The following LPP variants were observed in gnomAD, a reference collection of about 807,000 sequenced individuals.
LPP encodes the protein LIM domain containing preferred translocation partner in lipoma, also known as lipoma-preferred partner.
LPP carries 38 observed loss-of-function variants against 60.4 expected under a neutral mutation model. The observed-to-expected ratio is 0.63, with a 90% confidence interval of 0.49 to 0.83. The LOEUF (loss-of-function observed/expected upper bound fraction) is 0.83, where lower values mean the gene tolerates loss of function less well. LPP is among the 40% of genes least tolerant of loss of function. The probability of loss-of-function intolerance (pLI) is 0.00; values close to 1 mark genes in which losing one functional copy is unlikely to be tolerated. For missense variants in LPP, 902 were observed against 783.6 expected (o/e 1.15, Z -1.80); for synonymous variants, 328 against 290.8 (o/e 1.13, Z -1.30).
chr3:188,562,848 G>A (rs569090080), intron 6 of LPP, among the ~76,000 whole-genome samples: 58 of 152,116 alleles, frequency 3.8e-4, no homozygotes, highest in African/African-American at 1.3e-3. Context: ...ATAAAACAAT[G>A]TTGTTCAAAG....
At chr3:188,319,163 C>T (rs1049713522) in intron 2 of LPP, among the ~76,000 whole-genome samples, 2 of 152,112 alleles carry the variant, frequency 1.3e-5, no homozygotes, top group African/African-American at 4.8e-5. Context: ...CTCCACAGAC[C>T]CCTGTGAATG....
At chr3:188,194,778 T>G (rs1490287915) in intron 1 of LPP, among the ~76,000 whole-genome samples, 1 of 152,208 alleles carries the variant, frequency 6.6e-6, no homozygotes, top group African/African-American at 2.4e-5. Context: ...TACCTTACTT[T>G]TGTTAGTGTT....
intron 2 of LPP, among the ~76,000 whole-genome samples, chr3:188,297,853 T>A (rs1051218084): frequency 1.4e-4 from 22 of 152,322 alleles, no homozygotes; most frequent in African/African-American, 4.8e-4. Context: ...AGGTACTTAG[T>A]TGAGCTCACT....
intron 4 of LPP, 78 bp downstream of exon 4, chr3:188,406,391 T>G (rs1783496633): frequency 7.4e-7 from 1 of 1,342,480 alleles, no homozygotes; most frequent in Non-Finnish European, 1.0e-6. Context: ...TACAAAGTTG[T>G]GTCAGAAAAA....
chr3:188,596,053 A>G (rs1160901332), intron 6 of LPP, among the ~76,000 whole-genome samples: 1 of 152,096 alleles, frequency 6.6e-6, no homozygotes, highest in African/African-American at 2.4e-5. Flanking sequence ...CCTGCTCGCA[A>G]TTTATTTTTA....
chr3:188,796,530 T>A (rs945145607), intron 9 of LPP, among the ~76,000 whole-genome samples: 1 of 152,198 alleles, frequency 6.6e-6, no homozygotes, highest in African/African-American at 2.4e-5. Flanking sequence ...ACCTTTTCCC[T>A]AAGTGTTGTG....
intron 6 of LPP, among the ~76,000 whole-genome samples, chr3:188,544,260 A>G (rs1825953669): frequency 6.6e-6 from 1 of 152,178 alleles, no homozygotes; most frequent in African/African-American, 2.4e-5. Context: ...ATTTGGAGTG[A>G]AAAGATACAC....
Position 188,609,772 on chromosome 3 carries a change from A to G in LPP, c.1041A>G (p.Pro347=). 1 of 1,614,064 alleles carries G rather than the reference A, an allele frequency of 6.2e-7. No individual in the cohort carries two copies. The highest frequency in any genetic ancestry group is 8.5e-7 in the Non-Finnish European group (1 of 1,180,006). ...AGNQNPPGMY[P]VTGPKKTYIT... is the part of the protein sequence containing the mutation. ...ACCAGAACCCTCCTGGGATGTATCC[A>G]GTCACTGGTCCCAAGAAGACCTATA... The change falls in exon 7 of 12, where the codon CCA becomes CCG. Residue 347 remains proline (P), a synonymous_variant. Transcript: ENST00000617246. The surrounding 1 kb of genome is among the most constrained non-coding windows in gnomAD (Gnocchi z 6.9).
chr3:188,810,196 A>T (rs1230123961), intron 9 of LPP, among the ~76,000 whole-genome samples: 3 of 151,826 alleles, frequency 2.0e-5, no homozygotes, highest in African/African-American at 7.3e-5. Context: ...TAATAACTGT[A>T]GTTTTTTTTT....
chr3:188,359,858 G>C (rs185815651), intron 3 of LPP, among the ~76,000 whole-genome samples: 10 of 152,188 alleles, frequency 6.6e-5, no homozygotes, highest in Admixed American at 6.5e-4. Flanking sequence ...CGATACTCTT[G>C]TTCTTTAGGT....
chr3:188,691,816 G>A (rs559707633), intron 7 of LPP, among the ~76,000 whole-genome samples: 20 of 152,298 alleles, frequency 1.3e-4, no homozygotes, highest in African/African-American at 4.6e-4. Flanking sequence ...TGTGGTCCAA[G>A]CTACAGAGAC....
intron 7 of LPP, among the ~76,000 whole-genome samples, chr3:188,672,085 C>T (rs1474958372): frequency 2.0e-5 from 3 of 152,184 alleles, no homozygotes; most frequent in Non-Finnish European, 2.9e-5. Flanking sequence ...TTCTTGCTCA[C>T]ACTTGAGGTA....
At chr3:188,504,955 T>C (rs1813021832) in intron 5 of LPP, among the ~76,000 whole-genome samples, 1 of 152,150 alleles carries the variant, frequency 6.6e-6, no homozygotes, top group African/African-American at 2.4e-5. Context: ...GGAAGACAGG[T>C]CCTTTTTGCC....
intron 2 of LPP, among the ~76,000 whole-genome samples, chr3:188,280,229 G>C (rs1741438594): frequency 1.3e-5 from 2 of 152,132 alleles, no homozygotes; most frequent in African/African-American, 2.4e-5. Context: ...GTGATGTAAT[G>C]GCCCAGATGA....
At chr3:188,375,886 G>A (rs1213430911) in intron 3 of LPP, among the ~76,000 whole-genome samples, 1 of 152,144 alleles carries the variant, frequency 6.6e-6, no homozygotes, top group Non-Finnish European at 1.5e-5. Context: ...ATGTGTCCCA[G>A]AGATTCTGGT....
At chr3:188,582,031 C>A (rs6444304) in intron 6 of LPP, among the ~76,000 whole-genome samples, 101,966 of 151,766 alleles carry the variant, frequency 0.67, 34,864 homozygotes, top group East Asian at 0.86. Flanking sequence ...CAACTTTTCA[C>A]AGTTATTGCA....
At chr3:188,790,538 G>A (rs965404132) in intron 9 of LPP, among the ~76,000 whole-genome samples, 1 of 152,056 alleles carries the variant, frequency 6.6e-6, no homozygotes, top group Non-Finnish European at 1.5e-5. Flanking sequence ...TATTTTTAAA[G>A]TTAACATACA....
intron 2 of LPP, among the ~76,000 whole-genome samples, chr3:188,328,576 C>G (rs577520131): frequency 2.5e-4 from 38 of 152,048 alleles, no homozygotes; most frequent in Non-Finnish European, 5.0e-4. Flanking sequence ...AAATCTCCGG[C>G]AAAACCCACA....
At chr3:188,670,354 G>A (rs1316914724) in intron 7 of LPP, among the ~76,000 whole-genome samples, 4 of 152,088 alleles carry the variant, frequency 2.6e-5, no homozygotes, top group Admixed American at 2.6e-4. Context: ...CTTGTTTACA[G>A]ATGGGAGAAA....
Sources: gnomAD v4.1 joint callset for allele counts (sites outside exome capture counted in the v4.1 genomes callset) on GRCh38, gnomAD v4.1.1 for gene constraint, Gnocchi (gnomAD v3.1) non-coding constraint, MANE v1.5 for transcripts, NCBI Gene and HGNC (gene_info 2026-07-23, HGNC 2026-07-21) for gene names.